ABTB3: variants seen among roughly 807,000 people sequenced by gnomAD.
ABTB3 encodes ankyrin repeat- and BTB/POZ domain-containing protein 3.
chr12:107,615,830 T>C, the ABTB3 span, among the ~76,000 whole-genome samples: 1 of 152,208 alleles, frequency 6.6e-6, no homozygotes, highest in Non-Finnish European at 1.5e-5. Flanking sequence ...ATAAGCTTGA[T>C]CTTTACTTCA....
chr12:107,336,544 A>T, the ABTB3 span, among the ~76,000 whole-genome samples: 1 of 152,344 alleles, frequency 6.6e-6, no homozygotes, highest in South Asian at 2.1e-4. Context: ...TGACGTCTAT[A>T]AGCACTTAGT....
chr12:107,515,048 C>T, the ABTB3 span, among the ~76,000 whole-genome samples: 3 of 152,080 alleles, frequency 2.0e-5, no homozygotes, highest in African/African-American at 4.8e-5. Flanking sequence ...CCCAGAAGTC[C>T]GATGAGGAAA....
At chr12:107,415,504 C>T in the ABTB3 span, among the ~76,000 whole-genome samples, 3 of 151,830 alleles carry the variant, frequency 2.0e-5, no homozygotes, top group South Asian at 2.1e-4. Flanking sequence ...GTCAGGAGAT[C>T]GAGACCATCC....
chr12:107,426,272 T>C, the ABTB3 span, among the ~76,000 whole-genome samples: 5 of 152,136 alleles, frequency 3.3e-5, no homozygotes, highest in Non-Finnish European at 4.4e-5. Flanking sequence ...GGTAGATCGA[T>C]GCGGACAAGG....
chr12:107,368,720 G>A, the ABTB3 span, among the ~76,000 whole-genome samples: 6 of 152,196 alleles, frequency 3.9e-5, no homozygotes, highest in African/African-American at 1.4e-4. Context: ...TGGCGCGGAG[G>A]GGTTCCCATT....
At chr12:107,530,394 C>A in the ABTB3 span, among the ~76,000 whole-genome samples, 2 of 152,198 alleles carry the variant, frequency 1.3e-5, no homozygotes, top group Admixed American at 1.3e-4. Flanking sequence ...AAAGTAAATG[C>A]CACCTCAGTA....
At chr12:107,377,471 G>A in the ABTB3 span, among the ~76,000 whole-genome samples, 2 of 150,262 alleles carry the variant, frequency 1.3e-5, no homozygotes. Flanking sequence ...CTCCGTTTAT[G>A]CTCATCTCCA....
chr12:107,412,023 C>T, the ABTB3 span, among the ~76,000 whole-genome samples: 1 of 152,128 alleles, frequency 6.6e-6, no homozygotes, highest in South Asian at 2.1e-4. Flanking sequence ...CCCCAGCAAA[C>T]CCTGACTCAA....
the ABTB3 span, among the ~76,000 whole-genome samples, chr12:107,340,928 G>A: frequency 2.0e-5 from 3 of 152,196 alleles, no homozygotes; most frequent in Non-Finnish European, 4.4e-5. Flanking sequence ...GGCCAGGCTG[G>A]TGCTGGAGAG....
At chr12:107,473,055 G>A in the ABTB3 span, among the ~76,000 whole-genome samples, 2 of 152,196 alleles carry the variant, frequency 1.3e-5, no homozygotes, top group Non-Finnish European at 2.9e-5. Flanking sequence ...AGTAAGCAAG[G>A]GGCTGAGTGA....
At chr12:107,573,743 A>G in the ABTB3 span, among the ~76,000 whole-genome samples, 5 of 152,182 alleles carry the variant, frequency 3.3e-5, no homozygotes, top group Admixed American at 2.6e-4. Flanking sequence ...TCAAGTTCAA[A>G]TGTATTCGAC....
chr12:107,434,581 GCT>G, the ABTB3 span, among the ~76,000 whole-genome samples: 6 of 152,216 alleles, frequency 3.9e-5, no homozygotes, highest in Non-Finnish European at 8.8e-5. Context: ...TAAAGGCTGG[GCT>G]GAGCGCAGTG....
chr12:107,455,302 T>A, the ABTB3 span, among the ~76,000 whole-genome samples: 2 of 152,226 alleles, frequency 1.3e-5, no homozygotes, highest in African/African-American at 4.8e-5. Context: ...CATCTGCATT[T>A]GTCTCCAAGC....
the ABTB3 span, among the ~76,000 whole-genome samples, chr12:107,508,872 G>A: frequency 6.6e-6 from 1 of 152,194 alleles, no homozygotes; most frequent in Non-Finnish European, 1.5e-5. Context: ...ACAAGGGAAA[G>A]GCTTTTCAGA....
At chr12:107,351,524 G>A in the ABTB3 span, among the ~76,000 whole-genome samples, 1 of 152,228 alleles carries the variant, frequency 6.6e-6, no homozygotes. Flanking sequence ...CAGTGCACCA[G>A]TGTTGAGAGG....
At chr12:107,495,982 A>T in the ABTB3 span, among the ~76,000 whole-genome samples, 1 of 152,188 alleles carries the variant, frequency 6.6e-6, no homozygotes, top group Non-Finnish European at 1.5e-5. Flanking sequence ...ATGATGTCTC[A>T]GTCCCCTCAA....
At chr12:107,332,587 A>G in the ABTB3 span, among the ~76,000 whole-genome samples, 116 of 152,292 alleles carry the variant, frequency 7.6e-4, no homozygotes, top group African/African-American at 2.6e-3. Context: ...ATGACTGAGG[A>G]GTACTTACCC....
At chr12:107,646,821 G>C in the ABTB3 span, among the ~76,000 whole-genome samples, 3 of 152,170 alleles carry the variant, frequency 2.0e-5, no homozygotes, top group African/African-American at 7.2e-5. Context: ...GATGATGCAC[G>C]ATTGCCTGAT....
chr12:107,376,740 A>G, the ABTB3 span, among the ~76,000 whole-genome samples: 4 of 152,042 alleles, frequency 2.6e-5, no homozygotes, highest in East Asian at 5.8e-4. Context: ...ATTCTGAGTT[A>G]TGTAATAATG....
Sources: gnomAD v4.1 joint callset for allele counts (sites outside exome capture counted in the v4.1 genomes callset) on GRCh38, gnomAD v4.1.1 for gene constraint, MANE v1.5 for transcripts, NCBI Gene and HGNC (gene_info 2026-07-23, HGNC 2026-07-21) for gene names.